The following FAM135B variants were observed in gnomAD, a reference collection of about 807,000 sequenced individuals.
The protein encoded by FAM135B is family with sequence similarity 135 member B.
In FAM135B, 43 loss-of-function variants were observed where a neutral mutation model predicts 127.7. That is an observed-to-expected ratio of 0.34 (90% CI 0.26 to 0.43). The LOEUF (loss-of-function observed/expected upper bound fraction) is 0.43. Ranked by LOEUF, FAM135B falls within the 20% of genes least tolerant of loss-of-function variation. The probability of loss-of-function intolerance (pLI) is 1.00; values close to 1 mark genes in which losing one functional copy is unlikely to be tolerated. For synonymous variants in FAM135B, 670 were observed against 665.1 expected (o/e 1.01, Z -0.11); for missense variants, 1,558 against 1,725.6 (o/e 0.90, Z 1.72).
intron 1 of FAM135B, among the ~76,000 whole-genome samples, chr8:138,444,111 T>G (rs995820424): frequency 6.6e-6 from 1 of 152,146 alleles, no homozygotes; most frequent in South Asian, 2.1e-4. Flanking sequence ...CCATCTTAAA[T>G]ACATATGCAC....
intron 1 of FAM135B, among the ~76,000 whole-genome samples, chr8:138,389,925 A>G (rs1832447871): frequency 6.6e-6 from 1 of 152,206 alleles, no homozygotes; most frequent in Non-Finnish European, 1.5e-5. Flanking sequence ...TAGAGGGCCT[A>G]GGAAATAGCT....
intron 1 of FAM135B, among the ~76,000 whole-genome samples, chr8:138,473,354 C>T (rs1395939270): frequency 6.6e-6 from 1 of 152,130 alleles, no homozygotes; most frequent in Non-Finnish European, 1.5e-5. Flanking sequence ...GTGGTGCCTA[C>T]AGAATCAAGC....
At chr8:138,279,390 CTTT>C (rs1325596876) in intron 3 of FAM135B, among the ~76,000 whole-genome samples, 1 of 152,146 alleles carries the variant, frequency 6.6e-6, no homozygotes, top group Non-Finnish European at 1.5e-5. Flanking sequence ...CATAATTAGT[CTTT>C]TTTATTGAAT....
chr8:138,492,487 C>T (rs1479221576), intron 1 of FAM135B, among the ~76,000 whole-genome samples: 1 of 152,114 alleles, frequency 6.6e-6, no homozygotes, highest in Non-Finnish European at 1.5e-5. Context: ...GCCTCTATCA[C>T]AGCTGGGGAG....
chr8:138,206,990 G>A (rs1057256427), intron 7 of FAM135B, among the ~76,000 whole-genome samples: 1 of 151,930 alleles, frequency 6.6e-6, no homozygotes, highest in African/African-American at 2.4e-5. Flanking sequence ...CCTATGCATG[G>A]CTCCAGCATC....
At chr8:138,249,220 A>G (rs1821524255) in intron 6 of FAM135B, among the ~76,000 whole-genome samples, 1 of 152,146 alleles carries the variant, frequency 6.6e-6, no homozygotes, top group Non-Finnish European at 1.5e-5. Context: ...CAGCTAGGGA[A>G]TATCCTGTGG....
At chr8:138,166,764 C>T (rs529946691) in intron 12 of FAM135B, among the ~76,000 whole-genome samples, 8 of 152,216 alleles carry the variant, frequency 5.3e-5, no homozygotes, top group East Asian at 3.9e-4. Flanking sequence ...TTTGGTGACT[C>T]GATGAGTGAC....
At chr8:138,157,684 A>G (rs1818904105) in intron 12 of FAM135B, among the ~76,000 whole-genome samples, 2 of 152,258 alleles carry the variant, frequency 1.3e-5, no homozygotes, top group East Asian at 1.9e-4. Context: ...TCATGAGTGA[A>G]CTCCCATTCA....
chr8:138,217,493 C>T (rs977539767), intron 7 of FAM135B, among the ~76,000 whole-genome samples: 4 of 147,480 alleles, frequency 2.7e-5, no homozygotes, highest in South Asian at 2.1e-4. Flanking sequence ...TGCAGTGGCA[C>T]GATCTCGGCT....
chr8:138,242,984 G>GT lies in FAM135B; in HGVS notation c.626dup (p.Asn209LysfsTer23), dbSNP rs770035303. ...TGCAGTACCCAGCTCCAAAGACCAA[G>GT]TTTTCCAGAGAAATGATAGACTGTT... On this transcript the variant is annotated frameshift_variant, in exon 7 of 20. Transcript: ENST00000395297. LOFTEE classifies it high-confidence loss of function. The surrounding 1 kb of genome is among the most constrained non-coding windows in gnomAD (Gnocchi z 9.6). The GT allele has an allele frequency of 6.2e-7, 1 of 1,613,924 alleles. No homozygotes were observed. Among genetic ancestry groups the GT allele is most frequent in the Admixed American group, 1.7e-5 (1 of 59,990 alleles).
intron 1 of FAM135B, among the ~76,000 whole-genome samples, chr8:138,482,388 G>A (rs1451709948): frequency 1.3e-5 from 2 of 152,134 alleles, no homozygotes; most frequent in African/African-American, 4.8e-5. Context: ...TCCTACCAGG[G>A]TTGACTTTAT....
intron 1 of FAM135B, among the ~76,000 whole-genome samples, chr8:138,378,856 C>T (rs966296648): frequency 6.6e-6 from 1 of 152,044 alleles, no homozygotes; most frequent in African/African-American, 2.4e-5. Context: ...TCCAGGCTTG[C>T]AGGCACATAA....
Position 138,130,387 on chromosome 8 carries a change from C to G in FAM135B, c.*2206G>C, listed in dbSNP as rs903708634. On this transcript the variant is annotated 3_prime_UTR_variant, in exon 20 of 20. Coordinates refer to ENST00000395297, the MANE Select transcript of FAM135B (RefSeq NM_015912.4). ...GGCCAGAGAGGGTTTACAAAGACAG[C>G]AGAGCACCCCTATAAAAAAGAGGTG... 2.6e-5 allele frequency: 4 copies of G among 152,078 alleles called. No homozygotes were observed. Among genetic ancestry groups the G allele is most frequent in the Non-Finnish European group, 5.9e-5 (4 of 68,018 alleles). 9.4% of individuals were successfully genotyped at this position (152,078 alleles called of 1,614,324 possible). A position where few individuals can be genotyped will look rare whatever the true frequency, so the allele number is the denominator to read the frequency against.
chr8:138,449,018 G>A (rs1278587147), intron 1 of FAM135B, among the ~76,000 whole-genome samples: 1 of 152,054 alleles, frequency 6.6e-6, no homozygotes. Context: ...TGCTGATACA[G>A]TCCAATTGTC....
intron 3 of FAM135B, among the ~76,000 whole-genome samples, chr8:138,299,118 A>C (rs1825692539): frequency 6.7e-6 from 1 of 150,148 alleles, no homozygotes; most frequent in Non-Finnish European, 1.5e-5. Context: ...TAAAATAAAA[A>C]TAAAAAATAA....
At chr8:138,487,184 A>C (rs1254443510) in intron 1 of FAM135B, among the ~76,000 whole-genome samples, 2 of 152,108 alleles carry the variant, frequency 1.3e-5, no homozygotes, top group Non-Finnish European at 2.9e-5. Context: ...AATACTCAGA[A>C]GACCTGCTGT....
Position 138,139,068 on chromosome 8 carries a change from T to G in FAM135B, c.3819A>C (p.Lys1273Asn), listed in dbSNP as rs1418601688. 6.2e-7 allele frequency: 1 copy of G among 1,613,224 alleles called. No individual in the cohort carries two copies. The highest frequency in any genetic ancestry group is 8.5e-7 in the Non-Finnish European group (1 of 1,179,176). The stretch of plus-strand genomic sequence containing the variant: ...AGGTCAGCTGCAGTAGAGACCCGGA[T>G]TTCTTCAGTTTCTGCATGAGCCATA... Reference protein sequence around the residue: ...TGLWLMQKLKKSGSLLQLTFR... With the variant: ...TGLWLMQKLKNSGSLLQLTFR... The change falls in exon 18 of 20, where the codon AAA becomes AAC. Residue 1273 changes from lysine (K) to asparagine (N), a missense_variant. Lys to Asn is a moderately conservative substitution (Grantham distance 94). Transcript: ENST00000395297.
At chr8:138,484,716 T>C (rs1362706493) in intron 1 of FAM135B, among the ~76,000 whole-genome samples, 1 of 152,040 alleles carries the variant, frequency 6.6e-6, no homozygotes, top group Non-Finnish European at 1.5e-5. Context: ...AACATCCACA[T>C]GCTTTTGAAA....
chr8:138,305,952 T>C (rs1232158933), intron 3 of FAM135B, among the ~76,000 whole-genome samples: 26 of 152,200 alleles, frequency 1.7e-4, no homozygotes, highest in Admixed American at 1.7e-3. Context: ...TATGTTTGTG[T>C]GTGTATATGT....
Sources: allele counts gnomAD v4.1 joint callset (sites outside exome capture counted in the v4.1 genomes callset), GRCh38; gene constraint gnomAD v4.1.1; non-coding constraint Gnocchi (gnomAD v3.1); transcripts MANE v1.5; gene names NCBI Gene and HGNC (gene_info 2026-07-23, HGNC 2026-07-21).